The following LIMK2 variants were observed in gnomAD, a reference collection of about 807,000 sequenced individuals.
The protein encoded by LIMK2 is LIM domain kinase 2.
In LIMK2, 35 loss-of-function variants were observed where a neutral mutation model predicts 75.7. The ratio of observed to expected loss-of-function variants is 0.46; its 90% CI spans 0.35 to 0.61. The LOEUF (loss-of-function observed/expected upper bound fraction) is 0.61, where lower values mean the gene tolerates loss of function less well. Ranked by LOEUF, LIMK2 falls within the 20% of genes least tolerant of loss-of-function variation. The probability of loss-of-function intolerance (pLI) is 0.00; values close to 1 mark genes in which losing one functional copy is unlikely to be tolerated. For synonymous variants in LIMK2, 301 were observed against 319.2 expected (o/e 0.94, Z 0.61); for missense variants, 623 against 831.0 (o/e 0.75, Z 3.08).
At chr22:31,234,554 C>G (rs927379476) in intron 2 of LIMK2, among the ~76,000 whole-genome samples, 4 of 151,208 alleles carry the variant, frequency 2.6e-5, no homozygotes, top group South Asian at 2.1e-4. Flanking sequence ...AACCCCATCT[C>G]TACTAAAAAT....
rs766912605 is a variant in LIMK2 at position 31,273,403 on chromosome 22, G to C, written c.1559-49G>C. 14 of 1,525,766 alleles carry C rather than the reference G, an allele frequency of 9.2e-6. 1 individual carries two copies. The South Asian group carries it at 1.5e-4, about 16-fold the overall frequency. The allele number at this position is 1,525,766 out of a possible 1,614,324, so 94.5% of individuals were successfully genotyped here. ...AGATTGACCCTAGACCCAGTGCAGAGCAGGTAAGGGATGTAAACTTAACAG... is the reference window on the plus strand; with the variant it reads ...AGATTGACCCTAGACCCAGTGCAGACCAGGTAAGGGATGTAAACTTAACAG... On this transcript the variant is annotated intron_variant, in intron 13 of 15. Transcript: ENST00000331728.
chr22:31,272,542 G>A lies in LIMK2; in HGVS notation c.1396G>A (p.Val466Met), dbSNP rs1392523963. 1 of 1,612,758 alleles carries A rather than the reference G, an allele frequency of 6.2e-7. No homozygotes were observed. The highest frequency in any genetic ancestry group is 1.7e-5 in the Admixed American group (1 of 59,624). The change falls in exon 13 of 16, where the codon GTG becomes ATG. Residue 466 changes from valine (V) to methionine (M), a missense_variant. Transcript: ENST00000331728. ...NCLIKLDKTV[V>M]VADFGLSRLI... is the part of the protein sequence containing the mutation. ...TTTATCCTACCAGGACAAGACTGTGGTGGTGGCAGACTTTGGGCTGTCACG... is the reference window on the plus strand; with the variant it reads ...TTTATCCTACCAGGACAAGACTGTGATGGTGGCAGACTTTGGGCTGTCACG...
At chr22:31,220,201 T>G (rs2048422273) in intron 1 of LIMK2, among the ~76,000 whole-genome samples, 2 of 152,206 alleles carry the variant, frequency 1.3e-5, no homozygotes, top group Admixed American at 1.3e-4. Context: ...CTGTGTGCTT[T>G]GGGTGAATAT....
In LIMK2 at chr22:31,262,665, G is replaced by A. The variant is rs571170200; in HGVS notation, c.728G>A (p.Arg243His). Residue 243 changes from arginine (R) to histidine (H), a missense_variant, in exon 7 of 16, where the codon CGC becomes CAC. Transcript: ENST00000331728. This position sits in a 1 kb window ranked among gnomAD's most constrained non-coding sequence, Gnocchi z 5.0. ...LLIEHDPVSQ[R>H]LDQLRLEARL... ...ATTGAACATGACCCCGTCTCCCAAC[G>A]CCTGGACCAGCTGCGGCTGGAGGCC... 5.6e-6 allele frequency: 9 copies of A among 1,614,160 alleles called. No individual in the cohort carries two copies. The highest frequency in any genetic ancestry group is 5.3e-5 in the African/African-American group (4 of 75,046).
chr22:31,273,578 C>A, intron 14 of LIMK2, 71 bp downstream of exon 14: 1 of 1,227,400 alleles, frequency 8.1e-7, no homozygotes, highest in Non-Finnish European at 1.2e-6. Context: ...GGAACTGGGG[C>A]ATCTCCTCCT....
At chr22:31,273,636 G>T in intron 14 of LIMK2, 129 bp downstream of exon 14, 1 of 717,446 alleles carries the variant, frequency 1.4e-6, no homozygotes, top group Non-Finnish European at 2.5e-6. Flanking sequence ...GGGTTTTATG[G>T]TTTATAACGC....
chr22:31,217,535 A>G (rs1009288362), intron 1 of LIMK2, among the ~76,000 whole-genome samples: 1 of 152,222 alleles, frequency 6.6e-6, no homozygotes, highest in Admixed American at 6.5e-5. Context: ...TCCTGATCTC[A>G]TGGGATCTTT....
chr22:31,273,034 A>C, intron 13 of LIMK2: 1 of 1,131,386 alleles, frequency 8.8e-7, no homozygotes, highest in Non-Finnish European at 1.1e-6. Flanking sequence ...CTGGTGGATA[A>C]TGCTCAAACC....
chr22:31,212,341 TTGTAGGGAACTGAGGGGAGC>T lies in LIMK2; in HGVS notation c.-65_-46del, dbSNP rs2123752773. 1 of 1,311,344 alleles carries T rather than the reference TTGTAGGGAACTGAGGGGAGC, an allele frequency of 7.6e-7. No homozygotes were observed. The allele number at this position is 1,311,344 out of a possible 1,614,324, so 81.2% of individuals were successfully genotyped here. On this transcript the variant is annotated 5_prime_UTR_variant, in exon 1 of 16. Coordinates refer to ENST00000331728, the MANE Select transcript of LIMK2 (RefSeq NM_005569.4). ...CGGCGGCGGCAGGAGCTGAGGGGAG[TTGTAGGGAACTGAGGGGAGC>T]TGCTGTGTCCCCCGCCTCCTCCTCC...
intron 2 of LIMK2, among the ~76,000 whole-genome samples, chr22:31,253,036 C>CA (rs2048741515): frequency 6.6e-6 from 1 of 152,188 alleles, no homozygotes; most frequent in African/African-American, 2.4e-5. Flanking sequence ...ATCAGGGTTC[C>CA]ATGCACTTTG....
chr22:31,225,663 C>A, intron 1 of LIMK2, 57 bp from the exon 2 acceptor site: 3 of 1,282,914 alleles, frequency 2.3e-6, no homozygotes, highest in South Asian at 1.2e-5. Flanking sequence ...TGGTAGGAAT[C>A]CTGTCCCTTT....
chr22:31,264,754 C>G (rs1367637287), intron 7 of LIMK2, among the ~76,000 whole-genome samples: 1 of 151,684 alleles, frequency 6.6e-6, no homozygotes, highest in Non-Finnish European at 1.5e-5. Context: ...GAAACCCTAT[C>G]TCTACTAAAA....
At position 31,278,414 on chromosome 22, in the gene LIMK2, C is replaced by T. The variant is rs1228268732; in HGVS notation, c.1890C>T (p.Tyr630=). The stretch of plus-strand genomic sequence containing the variant: ...TGGACCACACTGTGAGCATGCAGTA[C>T]GGCCTGACCCGGGACTCACCTCCCT... ...EELDHTVSMQ[Y]GLTRDSPP The change falls in exon 16 of 16, where the codon TAC becomes TAT. Residue 630 remains tyrosine (Y), a synonymous_variant. Coordinates refer to ENST00000331728, the MANE Select transcript of LIMK2 (RefSeq NM_005569.4). 20 of 1,612,720 alleles carry T rather than the reference C, an allele frequency of 1.2e-5. No homozygotes were observed. In the East Asian group the frequency reaches 2.5e-4, roughly 20 times the overall value.
At chr22:31,226,178 CTTATTTTATTTTATT>C (rs144244697) in intron 2 of LIMK2, among the ~76,000 whole-genome samples, 107 of 146,014 alleles carry the variant, frequency 7.3e-4, no homozygotes, top group African/African-American at 1.2e-3. Flanking sequence ...TGTTTGTATT[CTTATTTTATTTTATT>C]TTATTTTATT....
chr22:31,225,161 G>A (rs2048468099), intron 1 of LIMK2, among the ~76,000 whole-genome samples: 1 of 152,126 alleles, frequency 6.6e-6, no homozygotes, highest in African/African-American at 2.4e-5. Context: ...GGAAAAATTG[G>A]CCCCTGGTGC....
chr22:31,255,861 G>A (rs1311506311), intron 2 of LIMK2, among the ~76,000 whole-genome samples: 1 of 151,408 alleles, frequency 6.6e-6, no homozygotes, highest in African/African-American at 2.4e-5. Context: ...ATGAGAGAAA[G>A]CTACTAAGAG....
At chr22:31,237,554 CAA>C (rs1040206766) in intron 2 of LIMK2, among the ~76,000 whole-genome samples, 23 of 103,926 alleles carry the variant, frequency 2.2e-4, no homozygotes, top group Admixed American at 4.1e-4. Flanking sequence ...GATTCCGTCT[CAA>C]AAAAAAAAAA....
At chr22:31,269,058 T>G (rs7285773) in intron 11 of LIMK2, among the ~76,000 whole-genome samples, 61,132 of 146,822 alleles carry the variant, frequency 0.42, 13,504 homozygotes, top group Middle Eastern at 0.56. Context: ...TTGTTTGTTT[T>G]TTTGTTTTTT....
At position 31,262,525 on chromosome 22, in the gene LIMK2, C is replaced by A; in HGVS notation, c.658-70C>A. The A allele has an allele frequency of 6.9e-7, 1 of 1,445,972 alleles. No individual in the cohort carries two copies. Among genetic ancestry groups the A allele is most frequent in the South Asian group, 1.3e-5 (1 of 79,188 alleles). 89.6% of individuals were successfully genotyped at this position (1,445,972 alleles called of 1,614,324 possible). ...AGCACTGGCCACACTGTGCCTGAGT[C>A]ATCTGGGTTGGCCATGGGTGGCCTG... is the stretch of plus-strand genomic sequence containing the variant. On this transcript the variant is annotated intron_variant, in intron 6 of 15. Coordinates refer to ENST00000331728, the MANE Select transcript of LIMK2 (RefSeq NM_005569.4). The surrounding 1 kb of genome is among the most constrained non-coding windows in gnomAD (Gnocchi z 5.0).
Sources: gnomAD v4.1 joint callset for allele counts (sites outside exome capture counted in the v4.1 genomes callset) on GRCh38, gnomAD v4.1.1 for gene constraint, Gnocchi (gnomAD v3.1) non-coding constraint, MANE v1.5 for transcripts, NCBI Gene and HGNC (gene_info 2026-07-23, HGNC 2026-07-21) for gene names.